Variants in NAV2 observed in about 807,000 individuals in gnomAD.
The protein encoded by NAV2 is helicase, APC down-regulated 1.
A neutral mutation model predicts 223.2 loss-of-function variants in NAV2; 54 were observed. The ratio of observed to expected loss-of-function variants is 0.24; its 90% CI spans 0.19 to 0.30. The LOEUF is 0.30. NAV2 is among the 10% of genes least tolerant of loss of function. The pLI, the probability that NAV2 is intolerant of heterozygous loss-of-function variation, is 1.00. For synonymous variants in NAV2, 1,279 were observed against 1,239.3 expected (o/e 1.03, Z -0.67); for missense variants, 2,806 against 3,147.5 (o/e 0.89, Z 2.60).
At chr11:19,530,421 G>A (rs537649236) in intron 1 of NAV2, among the ~76,000 whole-genome samples, 31 of 152,310 alleles carry the variant, frequency 2.0e-4, no homozygotes, top group African/African-American at 5.1e-4. Context: ...TGCTTTACAC[G>A]CATATCATGC....
chr11:20,063,000 GTTTC>G (rs2058806034), intron 20 of NAV2, among the ~76,000 whole-genome samples: 1 of 152,142 alleles, frequency 6.6e-6, no homozygotes, highest in South Asian at 2.1e-4. Context: ...AACAGCCTCA[GTTTC>G]TTTATCTGTA....
chr11:19,794,220 G>T (rs760449514), intron 1 of NAV2, among the ~76,000 whole-genome samples: 5 of 152,190 alleles, frequency 3.3e-5, no homozygotes, highest in African/African-American at 1.2e-4. Context: ...GAAAAGGAAC[G>T]CCTGTGCTCG....
chr11:19,472,208 G>A (rs1333846827), intron 1 of NAV2, among the ~76,000 whole-genome samples: 3 of 152,122 alleles, frequency 2.0e-5, no homozygotes, highest in Non-Finnish European at 4.4e-5. Flanking sequence ...GGTATAGACA[G>A]GAACATGGGG....
At chr11:20,115,748 A>G (rs2063036385) in intron 37 of NAV2, among the ~76,000 whole-genome samples, 1 of 151,350 alleles carries the variant, frequency 6.6e-6, no homozygotes, top group Non-Finnish European at 1.5e-5. Flanking sequence ...CCTCTTCTCT[A>G]CAAAAAATAC....
At chr11:20,112,200 C>G (rs1765584910) in intron 36 of NAV2, among the ~76,000 whole-genome samples, 1 of 152,184 alleles carries the variant, frequency 6.6e-6, no homozygotes. Flanking sequence ...CTCTTCTGCC[C>G]TGAGACACAT....
chr11:19,791,370 A>G (rs1354468793), intron 1 of NAV2, among the ~76,000 whole-genome samples: 4 of 152,144 alleles, frequency 2.6e-5, no homozygotes, highest in Admixed American at 2.6e-4. Flanking sequence ...GCACCCACCA[A>G]TCTGCTGGGG....
At chr11:20,020,894 C>A (rs1291743665) in intron 11 of NAV2, among the ~76,000 whole-genome samples, 1 of 152,192 alleles carries the variant, frequency 6.6e-6, no homozygotes, top group Admixed American at 6.5e-5. Context: ...TGGTTCACCG[C>A]TCACTGCTCC....
chr11:19,799,291 A>G (rs2058092446), intron 1 of NAV2, among the ~76,000 whole-genome samples: 1 of 152,186 alleles, frequency 6.6e-6, no homozygotes, highest in Admixed American at 6.5e-5. Flanking sequence ...GAACATTTTC[A>G]CAGGACTTAG....
At chr11:19,426,975 A>C (rs1850855855) in intron 1 of NAV2, among the ~76,000 whole-genome samples, 1 of 152,186 alleles carries the variant, frequency 6.6e-6, no homozygotes, top group African/African-American at 2.4e-5. Context: ...ACTGGAGAAG[A>C]GTATTAAAGA....
intron 1 of NAV2, among the ~76,000 whole-genome samples, chr11:19,402,178 T>A (rs1478727954): frequency 6.6e-6 from 1 of 152,188 alleles, no homozygotes; most frequent in East Asian, 1.9e-4. Flanking sequence ...TAGGAGAAGG[T>A]GTTCTCTTAG....
chr11:19,876,453 T>G (rs187723079), intron 4 of NAV2, among the ~76,000 whole-genome samples: 1 of 152,168 alleles, frequency 6.6e-6, no homozygotes, highest in South Asian at 2.1e-4. Context: ...AATCTCAAAG[T>G]GTATAAACGA....
At chr11:19,710,628 T>A (rs1248297375), upstream of NAV2, among the ~76,000 whole-genome samples, 1 of 152,256 alleles carries the variant, frequency 6.6e-6, no homozygotes, top group African/African-American at 2.4e-5. Flanking sequence ...GACCACACTT[T>A]GAGAACCACT....
At position 20,045,446 on chromosome 11, in the gene NAV2, A is replaced by G; in HGVS notation, c.3678A>G (p.Pro1226=). The G allele has an allele frequency of 6.2e-7, 1 of 1,614,204 alleles. No individual in the cohort carries two copies. The highest frequency in any genetic ancestry group is 8.5e-7 in the Non-Finnish European group (1 of 1,180,026). ...TTAGCAGCAAGTCCGCAGGCCTGCC[A>G]GTGCCCAAACTGAGGGAGCCTTCCA... ...SNISSKSAGL[P]VPKLREPSKT... The change falls in exon 14 of 38, where the codon CCA becomes CCG. Residue 1226 remains proline (P), a synonymous_variant. Coordinates refer to ENST00000349880, the MANE Select transcript of NAV2 (RefSeq NM_145117.5).
In NAV2 at chr11:19,993,555, G is replaced by A. The variant is rs185055104; in HGVS notation, c.2768+9308G>A. The stretch of plus-strand genomic sequence containing the variant: ...TCATGCTTTTATCACATGCAAGTGA[G>A]TGCCTGTGCTTGATGTTTCCCCCCT... On this transcript the variant is annotated intron_variant, in intron 11 of 37. Transcript: ENST00000349880. Among the ~76,000 whole-genome samples the A allele has an allele frequency of 2.2e-4, 34 of 152,336 alleles. No homozygotes were observed. The East Asian group carries it at 6.6e-3, about 29-fold the overall frequency.
chr11:20,015,592 TTTTA>T (rs1295328406), intron 11 of NAV2, among the ~76,000 whole-genome samples: 1 of 152,186 alleles, frequency 6.6e-6, no homozygotes, highest in Non-Finnish European at 1.5e-5. Context: ...TGTATTTGTT[TTTTA>T]TTTGACTGCT....
chr11:19,933,385 C>T lies in NAV2; in HGVS notation c.1141C>T (p.Pro381Ser). The T allele has an allele frequency of 6.3e-7, 1 of 1,585,140 alleles. No homozygotes were observed. The highest frequency in any genetic ancestry group is 8.6e-7 in the Non-Finnish European group (1 of 1,164,932). ...CATGCTCTCGGTCAAGCCTCCTGGG[C>T]CTGAGGCCCCCAGGCCCACACCTGA... ...VSMLSVKPPG[P>S]EAPRPTPEAM... Residue 381 changes from proline to serine, a missense_variant, in exon 7 of 38, where the codon CCT becomes TCT. Pro to Ser is a moderately conservative substitution (Grantham distance 74). Coordinates refer to ENST00000349880, the MANE Select transcript of NAV2 (RefSeq NM_145117.5). This position sits in a 1 kb window ranked among gnomAD's most constrained non-coding sequence, Gnocchi z 4.3.
At chr11:19,504,107 A>G (rs1487538466) in intron 1 of NAV2, among the ~76,000 whole-genome samples, 2 of 152,258 alleles carry the variant, frequency 1.3e-5, no homozygotes, top group African/African-American at 4.8e-5. Context: ...TAAAATGACA[A>G]TGGGACAGCA....
intron 1 of NAV2, among the ~76,000 whole-genome samples, chr11:19,382,511 G>A (rs537015958): frequency 6.6e-6 from 1 of 152,290 alleles, no homozygotes; most frequent in African/African-American, 2.4e-5. Context: ...CTTATAGGCT[G>A]TGCTTTCCAC....
intron 1 of NAV2, among the ~76,000 whole-genome samples, chr11:19,602,099 C>T (rs2046364577): frequency 1.3e-5 from 2 of 151,262 alleles, no homozygotes; most frequent in South Asian, 2.1e-4. Flanking sequence ...GCCAGGAAAT[C>T]GGGGACATCA....
Sources: gnomAD v4.1 joint callset for allele counts (sites outside exome capture counted in the v4.1 genomes callset) on GRCh38, gnomAD v4.1.1 for gene constraint, Gnocchi (gnomAD v3.1) non-coding constraint, MANE v1.5 for transcripts, NCBI Gene and HGNC (gene_info 2026-07-23, HGNC 2026-07-21) for gene names.